CP: variants seen among roughly 807,000 people sequenced by gnomAD.
CP encodes the protein ceruloplasmin, also known as caeruloplasmin.
A neutral mutation model predicts 122.4 loss-of-function variants in CP; 64 were observed. The observed-to-expected ratio is 0.52, with a 90% confidence interval of 0.43 to 0.64. The LOEUF is 0.64. CP is among the 30% of genes least tolerant of loss of function. CP has a pLI of 0.00. For missense variants in CP, 1,167 were observed against 1,284.4 expected, an observed-to-expected ratio of 0.91 and a Z score of 1.40; for synonymous variants, 440 against 436.4, an observed-to-expected ratio of 1.01 and a Z score of -0.10.
Position 149,199,705 on chromosome 3 carries a change from T to C in CP, c.1501+7A>G. On this transcript the variant is annotated splice_region_variant and intron_variant, in intron 8 of 18. Coordinates refer to ENST00000264613, the MANE Select transcript of CP (RefSeq NM_000096.4). ...TGTTGATTTGTTACACAGTGCTGTA[T>C]ACTCACTTCTGCTCTGGGGGTTGTA... The C allele has an allele frequency of 6.2e-7, 1 of 1,614,040 alleles. No individual in the cohort carries two copies. The highest frequency in any genetic ancestry group is 8.5e-7 in the Non-Finnish European group (1 of 1,179,996).
At chr3:149,215,932 C>A (rs1324886932) in intron 1 of CP, among the ~76,000 whole-genome samples, 1 of 152,046 alleles carries the variant, frequency 6.6e-6, no homozygotes, top group South Asian at 2.1e-4. Context: ...AGTCTTAGAC[C>A]CAGAAATGAG....
At chr3:149,207,897 T>TTG (rs753660639) in intron 4 of CP, among the ~76,000 whole-genome samples, 66 of 151,998 alleles carry the variant, frequency 4.3e-4, no homozygotes, top group Non-Finnish European at 7.9e-4. Context: ...ACTGTACACA[T>TTG]TGTGTGTGTG....
chr3:149,191,228 C>T (rs913914620), intron 9 of CP, among the ~76,000 whole-genome samples: 1 of 143,848 alleles, frequency 7.0e-6, no homozygotes, highest in Non-Finnish European at 1.5e-5. Flanking sequence ...TTTCTGTTCA[C>T]TATCTCATTA....
At chr3:149,177,751 T>C in intron 17 of CP, 89 bp downstream of exon 17, 3 of 1,439,714 alleles carry the variant, frequency 2.1e-6, no homozygotes, top group East Asian at 2.3e-5. Flanking sequence ...GCAGCTTTTT[T>C]TCATAAGTCT....
intron 12 of CP, 135 bp downstream of exon 12, chr3:149,185,104 G>T (rs1223665250): frequency 3.5e-6 from 2 of 568,194 alleles, no homozygotes; most frequent in African/African-American, 4.5e-5. Context: ...GAAGTGTTTT[G>T]TTGTTGTTGT....
chr3:149,195,369 C>G (rs1726832978), intron 9 of CP, among the ~76,000 whole-genome samples: 1 of 152,114 alleles, frequency 6.6e-6, no homozygotes, highest in African/African-American at 2.4e-5. Context: ...GAGACATGAA[C>G]AAGGCTAACA....
chr3:149,215,311 G>A lies in CP; in HGVS notation c.147-2613C>T, dbSNP rs181256660. ...CCTGTATTAATCATTTCCTAAAATA[G>A]GAAGAGCATTGCCATAAACAAATAC... On this transcript the variant is annotated intron_variant, in intron 1 of 18. Transcript: ENST00000264613. Among the ~76,000 whole-genome samples, 263 of 152,234 alleles carry A rather than the reference G, an allele frequency of 1.7e-3. 1 individual carries two copies. The highest frequency in any genetic ancestry group is 5.9e-3 in the African/African-American group (245 of 41,548).
intron 9 of CP, among the ~76,000 whole-genome samples, chr3:149,190,433 A>AG (rs1726468057): frequency 6.6e-6 from 1 of 152,090 alleles, no homozygotes; most frequent in East Asian, 1.9e-4. Flanking sequence ...CGAGGCAGGC[A>AG]GATCACTTGA....
intron 17 of CP, chr3:149,176,713 C>G (rs544316243): frequency 4.0e-5 from 13 of 323,258 alleles, no homozygotes; most frequent in Admixed American, 9.0e-5. Context: ...AGCACTTAAG[C>G]TACACAAAAG....
chr3:149,212,505 A>G lies in CP; in HGVS notation c.340T>C (p.Ser114Pro), dbSNP rs1454524561. The G allele has an allele frequency of 6.2e-7, 1 of 1,613,952 alleles. No individual in the cohort carries two copies. Among genetic ancestry groups the G allele is most frequent in the Non-Finnish European group, 8.5e-7 (1 of 1,179,934 alleles). ...TGTGAATGAAAGGTGTAGGGCCTAGAGGCAAGGTTTTTTAAGTGTACATAA... is the reference window on the plus strand; with the variant it reads ...TGTGAATGAAAGGTGTAGGGCCTAGGGGCAAGGTTTTTTAAGTGTACATAA... ...KVYVHLKNLA[S>P]RPYTFHSHGI... is the part of the protein sequence containing the mutation. The change falls in exon 2 of 19, where the codon TCT becomes CCT. Residue 114 changes from serine (S) to proline (P), a missense_variant. Around this residue, in one of 2 missense-constraint regions of CP, gnomAD observed 642 missense variants for 627.3 expected, o/e 1.02. Transcript: ENST00000264613.
Position 149,202,217 on chromosome 3 carries a change from T to C in CP, c.1233A>G (p.Gln411=), listed in dbSNP as rs753565259. ...PGSDSAVFFE[Q]GTTRIGGSYK... ...AAGAGCCTCCAATTCTTGTGGTACCTTGTTCAAAAAACACCGCTGAGTCAC... is the reference window on the plus strand; with the variant it reads ...AAGAGCCTCCAATTCTTGTGGTACCCTGTTCAAAAAACACCGCTGAGTCAC... The change falls in exon 7 of 19, where the codon CAA becomes CAG. Residue 411 remains glutamine (Q), a synonymous_variant. Transcript: ENST00000264613. 5 of 1,614,048 alleles carry C rather than the reference T, an allele frequency of 3.1e-6. No homozygotes were observed. The highest frequency in any genetic ancestry group is 2.2e-5 in the East Asian group (1 of 44,886).
rs1279903900 is a variant in CP at position 149,188,049 on chromosome 3, T to C, written c.1864+3A>G. On this transcript the variant is annotated splice_donor_region_variant and intron_variant, in intron 10 of 18. Coordinates refer to ENST00000264613, the MANE Select transcript of CP (RefSeq NM_000096.4). ...GTAGATTGGTGGATGATGCAGTACT[T>C]ACAGTGCATTTTATTAGATTCCTGA... 1.2e-6 allele frequency: 2 copies of C among 1,611,546 alleles called. No homozygotes were observed. The highest frequency in any genetic ancestry group is 8.5e-7 in the Non-Finnish European group (1 of 1,179,758).
At chr3:149,195,490 T>C (rs1320332613) in intron 9 of CP, among the ~76,000 whole-genome samples, 1 of 152,184 alleles carries the variant, frequency 6.6e-6, no homozygotes, top group African/African-American at 2.4e-5. Context: ...ATCAGAGTAA[T>C]ATATACTATG....
intron 8 of CP, 129 bp downstream of exon 8, chr3:149,199,583 A>T: frequency 9.1e-7 from 1 of 1,103,988 alleles, no homozygotes; most frequent in African/African-American, 1.5e-5. Context: ...TCCTGGCATG[A>T]TGCCTAGAAA....
Position 149,212,563 on chromosome 3 carries a change from G to A in CP, c.282C>T (p.Gly94=), listed in dbSNP as rs935385901. ...IEKPVWLGFL[G]PIIKAETGDK... The stretch of plus-strand genomic sequence containing the variant: ...CTCCAGTTTCAGCTTTGATAATAGG[G>A]CCTAAAAACCCAAGCCAGACCGGTT... The change falls in exon 2 of 19, where the codon GGC becomes GGT. Residue 94 remains glycine, a synonymous_variant. Coordinates refer to ENST00000264613, the MANE Select transcript of CP (RefSeq NM_000096.4). 4 of 1,613,956 alleles carry A rather than the reference G, an allele frequency of 2.5e-6. No individual in the cohort carries two copies. The highest frequency in any genetic ancestry group is 2.2e-5 in the South Asian group (2 of 91,076).
chr3:149,212,470 A>T lies in CP; in HGVS notation c.375T>A (p.Thr125=), dbSNP rs531080961. 6.8e-6 allele frequency: 11 copies of T among 1,613,894 alleles called. No individual in the cohort carries two copies. Among genetic ancestry groups the T allele is most frequent in the Non-Finnish European group, 1.7e-6 (2 of 1,179,960 alleles). The change falls in exon 2 of 19, where the codon ACT becomes ACA. Residue 125 remains threonine, a synonymous_variant. Coordinates refer to ENST00000264613, the MANE Select transcript of CP (RefSeq NM_000096.4). The part of the protein sequence containing the change: ...RPYTFHSHGI[T]YYKEHEGAIY... The stretch of plus-strand genomic sequence containing the variant: ...ACTTACCCTCATGTTCCTTATAGTA[A>T]GTTATTCCATGTGAATGAAAGGTGT...
In CP at chr3:149,198,468, T is replaced by C; in HGVS notation, c.1612A>G (p.Met538Val). ...TNADPVCLAK[M>V]YYSAVEPTKD... The stretch of plus-strand genomic sequence containing the variant: ...GTGGGTTCCACAGCAGAATAATACA[T>C]CTTAGCTAGACACACAGGATCTGCA... Residue 538 changes from methionine to valine, a missense_variant, in exon 9 of 19, where the codon ATG becomes GTG. Around this residue, in one of 2 missense-constraint regions of CP, gnomAD observed 525 missense variants for 657.2 expected, o/e 0.80. Transcript: ENST00000264613. The C allele has an allele frequency of 6.2e-7, 1 of 1,613,666 alleles. No individual in the cohort carries two copies. Among genetic ancestry groups the C allele is most frequent in the Non-Finnish European group, 8.5e-7 (1 of 1,179,576 alleles).
At chr3:149,183,180 T>G in intron 13 of CP, among the ~76,000 whole-genome samples, 1 of 152,106 alleles carries the variant, frequency 6.6e-6, no homozygotes, top group East Asian at 1.9e-4. Flanking sequence ...AAATAGTTTC[T>G]GGGAACTTCA....
intron 5 of CP, chr3:149,162,972 T>A: frequency 9.4e-7 from 1 of 1,062,496 alleles, no homozygotes; most frequent in Non-Finnish European, 1.4e-6. Context: ...AAATCTAACC[T>A]AGTTTTCTAT....
Sources: gnomAD v4.1 joint callset for allele counts (sites outside exome capture counted in the v4.1 genomes callset) on GRCh38, gnomAD v4.1.1 for gene constraint, gnomAD v4.1.1 regional missense constraint, MANE v1.5 for transcripts, NCBI Gene and HGNC (gene_info 2026-07-23, HGNC 2026-07-21) for gene names.